The following RNFT2 variants were observed in gnomAD, a reference collection of about 807,000 sequenced individuals.
The protein encoded by RNFT2 is ring finger protein, transmembrane 2.
In RNFT2, 36 loss-of-function variants were observed where a neutral mutation model predicts 53.0. The ratio of observed to expected loss-of-function variants is 0.68; its 90% CI spans 0.52 to 0.90. The LOEUF (loss-of-function observed/expected upper bound fraction) is 0.90, where lower values mean the gene tolerates loss of function less well. Ranked by LOEUF, RNFT2 falls within the 40% of genes least tolerant of loss-of-function variation. The probability of loss-of-function intolerance (pLI) is 0.00; values close to 1 mark genes in which losing one functional copy is unlikely to be tolerated. For synonymous variants in RNFT2, 260 were observed against 253.2 expected (o/e 1.03, Z -0.26); for missense variants, 514 against 585.6 (o/e 0.88, Z 1.26).
rs749613995 is a variant in RNFT2 at position 116,849,470 on chromosome 12, A to C, written c.*22A>C. 21 of 1,569,978 alleles carry C rather than the reference A, an allele frequency of 1.3e-5. No individual in the cohort carries two copies. Among genetic ancestry groups the C allele is most frequent in the Non-Finnish European group, 1.7e-5 (20 of 1,155,978 alleles). On this transcript the variant is annotated 3_prime_UTR_variant, in exon 11 of 11. Coordinates refer to ENST00000257575, the MANE Select transcript of RNFT2 (RefSeq NM_001382266.1). Reference sequence around the variant, plus strand: ...CTAGGACCGAACACTGAGGACACCCAGAAGGACGCCAAGGGTCAGCATGCC... The same window carrying C: ...CTAGGACCGAACACTGAGGACACCCCGAAGGACGCCAAGGGTCAGCATGCC...
intron 3 of RNFT2, among the ~76,000 whole-genome samples, chr12:116,749,242 T>TC (rs1406803836): frequency 6.6e-6 from 1 of 150,940 alleles, no homozygotes; most frequent in Non-Finnish European, 1.5e-5. Context: ...CTTTACATGG[T>TC]CTACTCTCTG....
chr12:116,841,805 A>T (rs1877281005), intron 10 of RNFT2, among the ~76,000 whole-genome samples: 1 of 88,396 alleles, frequency 1.1e-5, no homozygotes, highest in South Asian at 3.1e-4. Flanking sequence ...ATATATATAT[A>T]AATATATATA....
rs1242931048 is a variant in RNFT2, at chr12:116,850,290, G to A, written c.*842G>A. The A allele has an allele frequency of 6.6e-6, 1 of 151,524 alleles. No homozygotes were observed. The highest frequency in any genetic ancestry group is 1.5e-5 in the Non-Finnish European group (1 of 68,122). The allele number at this position is 151,524 out of a possible 1,614,324, so 9.4% of individuals were successfully genotyped here. ...CCGCCTCAGCCTCCCAAGTAGCTGG[G>A]ACTACAGGTGTGTGCCACCAGGCCT... On this transcript the variant is annotated 3_prime_UTR_variant, in exon 11 of 11. Coordinates refer to ENST00000257575, the MANE Select transcript of RNFT2 (RefSeq NM_001382266.1).
chr12:116,739,583 C>T (rs578161596), intron 1 of RNFT2, among the ~76,000 whole-genome samples: 49 of 152,310 alleles, frequency 3.2e-4, no homozygotes, highest in Admixed American at 1.0e-3. Context: ...CGACATTTGC[C>T]CTGCGGGACC....
intron 10 of RNFT2, among the ~76,000 whole-genome samples, chr12:116,844,405 T>C (rs538237337): frequency 1.3e-5 from 2 of 152,246 alleles, no homozygotes; most frequent in South Asian, 4.1e-4. Flanking sequence ...CCCAGCTGAT[T>C]TGTGTATTTT....
At chr12:116,835,057 C>T (rs1876891179) in intron 8 of RNFT2, among the ~76,000 whole-genome samples, 1 of 152,044 alleles carries the variant, frequency 6.6e-6, no homozygotes, top group Non-Finnish European at 1.5e-5. Flanking sequence ...ACCATGTTGG[C>T]CAGGCTGGTC....
At chr12:116,803,851 G>A (rs1215934972) in intron 7 of RNFT2, among the ~76,000 whole-genome samples, 1 of 152,236 alleles carries the variant, frequency 6.6e-6, no homozygotes, top group African/African-American at 2.4e-5. Flanking sequence ...GGAAACTGGA[G>A]AATTACATGA....
intron 10 of RNFT2, among the ~76,000 whole-genome samples, chr12:116,847,734 T>C (rs937227497): frequency 7.9e-5 from 12 of 151,656 alleles, no homozygotes; most frequent in Non-Finnish European, 1.2e-4. Context: ...TCCATGTTGG[T>C]CAGGCTGGTC....
intron 7 of RNFT2, among the ~76,000 whole-genome samples, chr12:116,797,573 G>T (rs539124039): frequency 1.1e-3 from 166 of 151,968 alleles, no homozygotes; most frequent in Non-Finnish European, 1.5e-3. Flanking sequence ...TTAGAGTGAG[G>T]TCACTAGTGA....
chr12:116,837,295 T>C (rs1877027741), intron 10 of RNFT2, among the ~76,000 whole-genome samples: 1 of 151,938 alleles, frequency 6.6e-6, no homozygotes, highest in Admixed American at 6.6e-5. Context: ...GCTCACAGTC[T>C]CTGCCGGGAG....
At chr12:116,803,952 G>A (rs984355632) in intron 7 of RNFT2, among the ~76,000 whole-genome samples, 7 of 152,144 alleles carry the variant, frequency 4.6e-5, no homozygotes, top group Admixed American at 6.5e-5. Context: ...ACCTAACAGC[G>A]GATAATCTGG....
At chr12:116,777,548 C>T (rs1021087104) in intron 6 of RNFT2, among the ~76,000 whole-genome samples, 1 of 152,186 alleles carries the variant, frequency 6.6e-6, no homozygotes, top group Non-Finnish European at 1.5e-5. Context: ...GTAACTGCAG[C>T]CAGGATGTCT....
chr12:116,841,880 T>A lies in RNFT2; in HGVS notation c.1200+5598T>A, dbSNP rs1215114266. Among the ~76,000 whole-genome samples, 2 of 24,812 alleles carry A rather than the reference T, an allele frequency of 8.1e-5. 1 individual carries two copies. The highest frequency in any genetic ancestry group is 1.6e-3 in the South Asian group (2 of 1,280). The allele number at this position is 24,812 out of a possible 152,430, so 16.3% of individuals were successfully genotyped here. On this transcript the variant is annotated intron_variant, in intron 10 of 10. Transcript: ENST00000257575. ...AAAAATATATATATAAATATATATA[T>A]AAATATATATAAAAATATATATATA...
chr12:116,852,002 G>A lies in RNFT2; in HGVS notation c.*2554G>A. On this transcript the variant is annotated 3_prime_UTR_variant, in exon 11 of 11. Transcript: ENST00000257575. The stretch of plus-strand genomic sequence containing the variant: ...GATGTTTCCACCAACCAGGGTAGTG[G>A]CATGGAGCACCGTAACCATCTGTGC... 1 of 1,429,430 alleles carries A rather than the reference G, an allele frequency of 7.0e-7. No individual in the cohort carries two copies. The highest frequency in any genetic ancestry group is 1.4e-5 in the South Asian group (1 of 70,162). 88.5% of individuals were successfully genotyped at this position (1,429,430 alleles called of 1,614,324 possible). A position where few individuals can be genotyped will look rare whatever the true frequency, so the allele number is the denominator to read the frequency against.
chr12:116,771,656 G>A (rs866705728), intron 6 of RNFT2, among the ~76,000 whole-genome samples: 1 of 151,924 alleles, frequency 6.6e-6, no homozygotes, highest in South Asian at 2.1e-4. Flanking sequence ...CAGAGACAAG[G>A]TAACAGGGCT....
intron 6 of RNFT2, among the ~76,000 whole-genome samples, chr12:116,767,463 C>T (rs1208801664): frequency 6.6e-6 from 1 of 152,228 alleles, no homozygotes; most frequent in Non-Finnish European, 1.5e-5. Context: ...AGGCAATCCA[C>T]CTGCCTTGGC....
At chr12:116,745,118 G>T (rs1463317349) in intron 3 of RNFT2, among the ~76,000 whole-genome samples, 3 of 152,018 alleles carry the variant, frequency 2.0e-5, no homozygotes, top group Admixed American at 2.0e-4. Context: ...GAGCCAGCAG[G>T]GGTGGGGCTT....
chr12:116,821,802 CTTTTTTTTTTTTTTTT>C (rs149043452), intron 7 of RNFT2, among the ~76,000 whole-genome samples: 2 of 43,928 alleles, frequency 4.6e-5, no homozygotes, highest in Admixed American at 8.6e-4. Flanking sequence ...CTACTTGTTT[CTTTTTTTTTTTTTTTT>C]TTTTTTTTTT....
intron 7 of RNFT2, among the ~76,000 whole-genome samples, chr12:116,830,439 C>T (rs1876580885): frequency 6.6e-6 from 1 of 152,056 alleles, no homozygotes; most frequent in Non-Finnish European, 1.5e-5. Context: ...AGGAACTCAC[C>T]ACCACTCCCA....
Sources: allele counts gnomAD v4.1 joint callset (sites outside exome capture counted in the v4.1 genomes callset), GRCh38; gene constraint gnomAD v4.1.1; transcripts MANE v1.5; gene names NCBI Gene and HGNC (gene_info 2026-07-23, HGNC 2026-07-21).